SDCBP2: variants seen among roughly 807,000 people sequenced by gnomAD.
The protein encoded by SDCBP2 is syntenin-2.
A neutral mutation model predicts 30.7 loss-of-function variants in SDCBP2; 28 were observed. The ratio of observed to expected loss-of-function variants is 0.91; its 90% CI spans 0.68 to 1.25. SDCBP2 has a LOEUF of 1.25. Ranked by LOEUF, SDCBP2 falls within the 50% of genes most tolerant of loss-of-function variation. SDCBP2 has a pLI of 0.00. For missense variants in SDCBP2, 399 were observed against 379.0 expected, an observed-to-expected ratio of 1.05 and a Z score of -0.44; for synonymous variants, 166 against 157.3, an observed-to-expected ratio of 1.06 and a Z score of -0.41.
chr20:1,312,208 C>G (rs572092763), intron 7 of SDCBP2, 129 bp downstream of exon 7: 7 of 918,390 alleles, frequency 7.6e-6, no homozygotes, highest in Middle Eastern at 2.7e-4. Context: ...CTACGAACAC[C>G]GTCTTACTGA....
At chr20:1,310,654 G>T in intron 8 of SDCBP2, 146 bp downstream of exon 8, 1 of 1,005,198 alleles carries the variant, frequency 9.9e-7, no homozygotes, top group Non-Finnish European at 1.5e-6. Flanking sequence ...GGAGGGAGGG[G>T]AAGGGAGGAT....
chr20:1,321,736 A>G lies in SDCBP2; in HGVS notation c.-19-1301T>C, dbSNP rs2088853100. ...CTTCACGATTCCACCAGAGATTGGAACTGGTGGGCCCAGGGCCAGATGGAA... is the reference window on the plus strand; with the variant it reads ...CTTCACGATTCCACCAGAGATTGGAGCTGGTGGGCCCAGGGCCAGATGGAA... On this transcript the variant is annotated intron_variant, in intron 1 of 8. Transcript: ENST00000360779. The surrounding 1 kb of genome is among the most constrained non-coding windows in gnomAD (Gnocchi z 5.2). 1 of 152,238 alleles carries G rather than the reference A, an allele frequency of 6.6e-6. No homozygotes were observed. Among genetic ancestry groups the G allele is most frequent in the Non-Finnish European group, 1.5e-5 (1 of 68,062 alleles). 9.4% of individuals were successfully genotyped at this position (152,238 alleles called of 1,614,324 possible). A position where few individuals can be genotyped will look rare whatever the true frequency, so the allele number is the denominator to read the frequency against.
chr20:1,312,578 G>A lies in SDCBP2; in HGVS notation c.560+9C>T. 2.5e-6 allele frequency: 4 copies of A among 1,613,426 alleles called. No homozygotes were observed. Among genetic ancestry groups the A allele is most frequent in the Non-Finnish European group, 3.4e-6 (4 of 1,179,456 alleles). ...GAGACGGAGAGGCTGCCCGGGCCTG[G>A]CTACTCACCTGTCCCGAACCACCAC... On this transcript the variant is annotated intron_variant, in intron 6 of 8. Transcript: ENST00000360779.
intron 1 of SDCBP2, chr20:1,325,492 G>C (rs2088910273): frequency 6.6e-6 from 1 of 152,236 alleles, no homozygotes; most frequent in Non-Finnish European, 1.5e-5. Flanking sequence ...TTCTCCGGGC[G>C]CCCGTAGCTG....
chr20:1,323,723 C>G (rs955662271), intron 1 of SDCBP2: 1 of 152,206 alleles, frequency 6.6e-6, no homozygotes, highest in Admixed American at 6.5e-5. Context: ...AACTTATGCA[C>G]ATTCTTCTGT....
At chr20:1,312,892 A>G (rs2281711) in intron 5 of SDCBP2, 130 bp from the exon 6 acceptor site, 555,742 of 988,298 alleles carry the variant, frequency 0.56, 160,866 homozygotes, top group East Asian at 0.88. Flanking sequence ...TCTGCATGGC[A>G]GGCACCAAGG....
chr20:1,323,326 C>G (rs1045214591), intron 1 of SDCBP2: 1 of 152,190 alleles, frequency 6.6e-6, no homozygotes, highest in Non-Finnish European at 1.5e-5. Context: ...TATCATCTGC[C>G]AAAACATGAC....
Position 1,310,153 on chromosome 20 carries a change from G to A in SDCBP2, c.*288C>T, listed in dbSNP as rs1050080524. The A allele has an allele frequency of 2.7e-5, 9 of 327,342 alleles. No homozygotes were observed. The highest frequency in any genetic ancestry group is 1.1e-4 in the African/African-American group (5 of 46,974). 20.3% of individuals were successfully genotyped at this position (327,342 alleles called of 1,614,324 possible). A position where few individuals can be genotyped will look rare whatever the true frequency, so the allele number is the denominator to read the frequency against. ...AATTTCTTGAAAGGGGCCCAGTTGC[G>A]ACTTTAAGCAGCGTTTAAACAGCCT... On this transcript the variant is annotated 3_prime_UTR_variant, in exon 9 of 9. Transcript: ENST00000360779.
At chr20:1,310,593 T>C in intron 8 of SDCBP2, 98 bp from the exon 9 acceptor site, 1 of 1,219,528 alleles carries the variant, frequency 8.2e-7, no homozygotes, top group Non-Finnish European at 1.2e-6. Context: ...CATGTGGGCC[T>C]TCACTCCCAG....
At chr20:1,325,239 C>G (rs1374873633) in intron 1 of SDCBP2, among the ~76,000 whole-genome samples, 1 of 152,240 alleles carries the variant, frequency 6.6e-6, no homozygotes, top group Non-Finnish European at 1.5e-5. Flanking sequence ...TAACCCCTTT[C>G]TTAGCCCCAA....
Position 1,313,213 on chromosome 20 carries a change from TG to T in SDCBP2, c.384+126del. The T allele has an allele frequency of 9.8e-7, 1 of 1,022,296 alleles. No homozygotes were observed. Among genetic ancestry groups the T allele is most frequent in the Non-Finnish European group, 1.4e-6 (1 of 695,690 alleles). The allele number at this position is 1,022,296 out of a possible 1,614,324, so 63.3% of individuals were successfully genotyped here. ...GGAGGAGGGACTGGGGGCAAGAGCC[TG>T]GCCGCTGGGGTTAGGAGGCCCGCTC... On this transcript the variant is annotated intron_variant, in intron 5 of 8. Coordinates refer to ENST00000360779, the MANE Select transcript of SDCBP2 (RefSeq NM_080489.5). The surrounding 1 kb of genome is among the most constrained non-coding windows in gnomAD (Gnocchi z 5.2).
intron 1 of SDCBP2, among the ~76,000 whole-genome samples, chr20:1,328,035 C>G (rs1031378884): frequency 1.3e-5 from 2 of 152,074 alleles, no homozygotes; most frequent in Non-Finnish European, 2.9e-5. Flanking sequence ...GGTTCAGAAG[C>G]CTTGCTGGCT....
At chr20:1,328,075 ATGGGG>A (rs1338066760) in intron 1 of SDCBP2, among the ~76,000 whole-genome samples, 1 of 152,094 alleles carries the variant, frequency 6.6e-6, no homozygotes, top group Non-Finnish European at 1.5e-5. Context: ...GAAAGGCCTA[ATGGGG>A]TGGGCACGGC....
intron 8 of SDCBP2, 51 bp downstream of exon 8, chr20:1,310,749 A>G (rs2273956): frequency 0.52 from 778,438 of 1,490,832 alleles, 206,202 homozygotes; most frequent in African/African-American, 0.74. Context: ...CGGGAGGTGA[A>G]GGGGATGGCA....
At chr20:1,326,472 A>G (rs1022445062) in intron 1 of SDCBP2, among the ~76,000 whole-genome samples, 2 of 152,208 alleles carry the variant, frequency 1.3e-5, no homozygotes, top group Admixed American at 6.5e-5. Context: ...GTTGAGTCCT[A>G]AAAGTCAGCC....
At chr20:1,314,037 G>A (rs749899020) in intron 4 of SDCBP2, among the ~76,000 whole-genome samples, 10 of 152,160 alleles carry the variant, frequency 6.6e-5, no homozygotes, top group Non-Finnish European at 1.3e-4. Flanking sequence ...CCTATTTATA[G>A]ATGGCACGAT....
intron 3 of SDCBP2, among the ~76,000 whole-genome samples, chr20:1,318,660 A>G (rs1001622343): frequency 1.3e-5 from 2 of 152,112 alleles, no homozygotes; most frequent in Non-Finnish European, 2.9e-5. Context: ...CACTGACTTT[A>G]TTTGACACCC....
intron 1 of SDCBP2, among the ~76,000 whole-genome samples, chr20:1,328,447 C>T (rs1035680813): frequency 6.6e-6 from 1 of 152,120 alleles, no homozygotes; most frequent in Admixed American, 6.6e-5. Context: ...GTACGTGAAG[C>T]TGCCTGTCCA....
In SDCBP2 at chr20:1,313,484, G is replaced by A. The variant is rs781252182; in HGVS notation, c.240C>T (p.Gly80=). Residue 80 remains glycine (G), a synonymous_variant, in exon 5 of 9, where the codon GGC becomes GGT. Transcript: ENST00000360779. The surrounding 1 kb of genome is among the most constrained non-coding windows in gnomAD (Gnocchi z 5.2). ...IPEGDSTAVS[G]PGPGQMVAPV... The stretch of plus-strand genomic sequence containing the variant: ...GTGCCACCATCTGGCCGGGCCCGGG[G>A]CCCGAGACCGCTGTCTGCAGACACC... 6.3e-6 allele frequency: 10 copies of A among 1,590,524 alleles called. No homozygotes were observed. The East Asian group carries it at 2.0e-4, about 32-fold the overall frequency.
Sources: gnomAD v4.1 joint callset for allele counts (sites outside exome capture counted in the v4.1 genomes callset) on GRCh38, gnomAD v4.1.1 for gene constraint, Gnocchi (gnomAD v3.1) non-coding constraint, MANE v1.5 for transcripts, NCBI Gene and HGNC (gene_info 2026-07-23, HGNC 2026-07-21) for gene names.